CLUH: variants seen among roughly 807,000 people sequenced by gnomAD.
CLUH encodes the protein clustered mitochondria protein homolog.
CLUH carries 77 observed loss-of-function variants against 139.3 expected under a neutral mutation model. The observed-to-expected ratio is 0.55, with a 90% CI of 0.46 to 0.67. The LOEUF (loss-of-function observed/expected upper bound fraction) is 0.67, where lower values mean the gene tolerates loss of function less well. CLUH is among the 30% of genes least tolerant of loss of function. CLUH has a pLI of 0.00. For synonymous variants in CLUH, 999 were observed against 801.6 expected, an observed-to-expected ratio of 1.25 and a Z score of -4.16; for missense variants, 1,876 against 1,875.8, an observed-to-expected ratio of 1.00 and a Z score of 0.00.
At chr17:2,693,795 T>C (rs1160627097) in intron 19 of CLUH, 105 bp downstream of exon 19, 3 of 1,416,374 alleles carry the variant, frequency 2.1e-6, no homozygotes, top group Middle Eastern at 2.5e-4. Context: ...AACCAGCGAC[T>C]TCCTGGGGTC....
intron 1 of CLUH, among the ~76,000 whole-genome samples, chr17:2,708,567 C>T (rs1211734410): frequency 6.6e-6 from 1 of 151,930 alleles, no homozygotes; most frequent in East Asian, 1.9e-4. Context: ...GAGGAGCCAA[C>T]CCAGAGCAAG....
Position 2,706,446 on chromosome 17 carries a change from G to A in CLUH, c.101-1882C>T, listed in dbSNP as rs1245062271. 6.6e-6 allele frequency among the ~76,000 whole-genome samples: 1 copy of A among 152,048 alleles called. No individual in the cohort carries two copies. The highest frequency in any genetic ancestry group is 1.5e-5 in the Non-Finnish European group (1 of 68,012). ...CCTGCAGCCCGCACCCTACGCCGCG[G>A]CACTCCCTCAACTCTGGCCACTGAG... is the stretch of plus-strand genomic sequence containing the variant. On this transcript the variant is annotated intron_variant, in intron 1 of 25. Transcript: ENST00000651024. The surrounding 1 kb of genome is among the most constrained non-coding windows in gnomAD (Gnocchi z 4.6).
In CLUH at chr17:2,696,551, G is replaced by A. The variant is rs2069953747; in HGVS notation, c.2186-13C>T. ...CTCCGAGGGTCTGCTGTGGAGACAT[G>A]GCTCCATGAGACACGGGTCCCCTCT... On this transcript the variant is annotated splice_polypyrimidine_tract_variant and intron_variant, in intron 11 of 25. Transcript: ENST00000651024. 4 of 1,557,980 alleles carry A rather than the reference G, an allele frequency of 2.6e-6. No homozygotes were observed. In the Admixed American group the frequency reaches 5.7e-5, roughly 22 times the overall value.
At position 2,696,154 on chromosome 17, in the gene CLUH, C is replaced by T. The variant is rs1383961802; in HGVS notation, c.2391+5G>A. The T allele has an allele frequency of 6.4e-7, 1 of 1,555,360 alleles. No individual in the cohort carries two copies. The highest frequency in any genetic ancestry group is 8.7e-7 in the Non-Finnish European group (1 of 1,149,490). ...CCCCACCCAGCCCCGCAGCCCCTCC[C>T]TCACCAAGCCAGGGATCTGGCAGGA... On this transcript the variant is annotated splice_donor_5th_base_variant and intron_variant, in intron 13 of 25. Transcript: ENST00000651024.
Position 2,704,531 on chromosome 17 carries a change from C to T in CLUH, c.134G>A (p.Cys45Tyr). 1 of 1,577,542 alleles carries T rather than the reference C, an allele frequency of 6.3e-7. No individual in the cohort carries two copies. ...CGCCTCCTTCTTCAGGCTCTCTGGGCAGTCCCCGTTTAAGAGCATGACTGA... is the reference window on the plus strand; with the variant it reads ...CGCCTCCTTCTTCAGGCTCTCTGGGTAGTCCCCGTTTAAGAGCATGACTGA... ...LPSVMLLNGDCPESLKKEAAA... is the reference protein window; with the variant it reads ...LPSVMLLNGDYPESLKKEAAA... The change falls in exon 2 of 26, where the codon TGC (cysteine) becomes TAC (tyrosine). Residue 45 changes from cysteine (C) to tyrosine (Y), a missense_variant. Coordinates refer to ENST00000651024, the MANE Select transcript of CLUH (RefSeq NM_001366661.1). This position sits in a 1 kb window ranked among gnomAD's most constrained non-coding sequence, Gnocchi z 5.7.
At chr17:2,692,758 G>A (rs569372897) in intron 20 of CLUH, 22 bp downstream of exon 20, 2 of 1,599,962 alleles carry the variant, frequency 1.3e-6, no homozygotes, top group East Asian at 4.5e-5. Context: ...ATCCCCCGGC[G>A]CGGGCGGCAC....
Position 2,692,366 on chromosome 17 carries a change from G to A in CLUH, c.3555C>T (p.Ala1185=). The change falls in exon 22 of 26, where the codon GCC becomes GCT. Residue 1185 remains alanine, a synonymous_variant. Coordinates refer to ENST00000651024, the MANE Select transcript of CLUH (RefSeq NM_001366661.1). ...KYHGPKALKV[A]LSHHLVARVY... The stretch of plus-strand genomic sequence containing the variant: ...TTGGACGGGCGGCCCCTCACCTGAG[G>A]GCCACCTTGAGGGCCTTGGGCCCGT... 4 of 1,580,266 alleles carry A rather than the reference G, an allele frequency of 2.5e-6. No homozygotes were observed. The highest frequency in any genetic ancestry group is 2.3e-5 in the South Asian group (2 of 88,402).
At chr17:2,696,670 C>G (rs771426309) in intron 11 of CLUH, 49 bp downstream of exon 11, 1 of 1,598,496 alleles carries the variant, frequency 6.3e-7, no homozygotes, top group East Asian at 2.2e-5. Context: ...ATAAGCCACC[C>G]TGGCAGGGCC....
intron 9 of CLUH, 110 bp downstream of exon 9, chr17:2,700,272 A>G: frequency 1.0e-6 from 1 of 1,003,438 alleles, no homozygotes; most frequent in Non-Finnish European, 1.5e-6. Flanking sequence ...GGGGAACCTG[A>G]CAGGGTTAGG....
chr17:2,702,481 CAACA>C (rs2151716118), intron 3 of CLUH, among the ~76,000 whole-genome samples: 1 of 152,304 alleles, frequency 6.6e-6, no homozygotes, highest in Non-Finnish European at 1.5e-5. Context: ...CCCCCAATGT[CAACA>C]CTGCCCCTAT....
intron 14 of CLUH, 25 bp downstream of exon 14, chr17:2,695,349 C>G (rs1292156584): frequency 6.2e-7 from 1 of 1,613,004 alleles, no homozygotes; most frequent in Admixed American, 1.7e-5. Context: ...AGCTCCCGTT[C>G]CGCCCCACCC....
At chr17:2,710,335 G>A (rs533094921) in intron 1 of CLUH, among the ~76,000 whole-genome samples, 1 of 152,356 alleles carries the variant, frequency 6.6e-6, no homozygotes, top group South Asian at 2.1e-4. Context: ...GCCTTGTCTA[G>A]ACAATCAGCA....
At chr17:2,711,785 T>C (rs2070531188), upstream of CLUH, 1 of 274,108 alleles carries the variant, frequency 3.6e-6, no homozygotes, top group South Asian at 1.4e-4. Context: ...GTGCGCGCCG[T>C]GGCCTTTGAC....
intron 1 of CLUH, among the ~76,000 whole-genome samples, chr17:2,705,012 G>A (rs915595673): frequency 1.3e-5 from 2 of 152,064 alleles, no homozygotes; most frequent in African/African-American, 4.8e-5. Flanking sequence ...GGGCTGCAGG[G>A]GAGTGCCTAG....
At chr17:2,693,876 T>C (rs1157663755) in intron 19 of CLUH, 24 bp downstream of exon 19, 1 of 1,593,280 alleles carries the variant, frequency 6.3e-7, no homozygotes, top group Non-Finnish European at 8.5e-7. Context: ...GGCCAGGCCT[T>C]TGCTGCCACA....
Position 2,701,679 on chromosome 17 carries a change from C to A in CLUH, c.678G>T (p.Glu226Asp). 5 of 1,598,302 alleles carry A rather than the reference C, an allele frequency of 3.1e-6. No individual in the cohort carries two copies. The highest frequency in any genetic ancestry group is 4.3e-6 in the Non-Finnish European group (5 of 1,172,572). Reference protein sequence around the residue: ...EMDPIDCTPPEYILPGSRERP... With the variant: ...EMDPIDCTPPDYILPGSRERP... ...GCTCCCGGCTCCCTGGCAGGATGTA[C>A]TCGGGTGGTGTGCAGTCGATGGGGT... Residue 226 changes from glutamate to aspartate, a missense_variant, in exon 5 of 26, where the codon GAG (glutamate) becomes GAT (aspartate). Glu to Asp is a conservative substitution (Grantham distance 45). Transcript: ENST00000651024.
intron 10 of CLUH, 58 bp from the exon 11 acceptor site, chr17:2,697,000 T>C (rs1166497408): frequency 1.2e-5 from 16 of 1,353,954 alleles, no homozygotes; most frequent in Non-Finnish European, 1.6e-5. Flanking sequence ...GGAGCTCTGC[T>C]GGCCCACGGC....
Position 2,690,537 on chromosome 17 carries a change from C to G in CLUH, c.*57G>C. The G allele has an allele frequency of 1.5e-6, 2 of 1,370,354 alleles. No individual in the cohort carries two copies. The highest frequency in any genetic ancestry group is 1.9e-6 in the Non-Finnish European group (2 of 1,051,854). The allele number at this position is 1,370,354 out of a possible 1,614,324, so 84.9% of individuals were successfully genotyped here. ...CGCCCGCAGGCTCGCCCCCTTCTCC[C>G]GCAGTCGGGCTCCCTGGTGACGGGG... On this transcript the variant is annotated 3_prime_UTR_variant, in exon 26 of 26. Transcript: ENST00000651024.
chr17:2,691,732 C>T (rs1420180621), intron 24 of CLUH, 29 bp downstream of exon 24: 3 of 1,600,346 alleles, frequency 1.9e-6, no homozygotes, highest in Admixed American at 1.7e-5. Flanking sequence ...GCTCGCCGGG[C>T]CGGAGGGGCC....
Sources: gnomAD v4.1 joint callset for allele counts (sites outside exome capture counted in the v4.1 genomes callset) on GRCh38, gnomAD v4.1.1 for gene constraint, Gnocchi (gnomAD v3.1) non-coding constraint, MANE v1.5 for transcripts, NCBI Gene and HGNC (gene_info 2026-07-23, HGNC 2026-07-21) for gene names.